UTS2: variants seen among roughly 807,000 people sequenced by gnomAD.
UTS2 encodes urotensin 2, also known as urotensin-2.
UTS2 carries 10 observed loss-of-function variants against 12.6 expected under a neutral mutation model. The ratio of observed to expected loss-of-function variants is 0.80; its 90% confidence interval spans 0.49 to 1.35. The LOEUF is 1.35. Ranked by LOEUF, UTS2 falls within the 40% of genes most tolerant of loss-of-function variation. UTS2 has a pLI of 0.00. For missense variants in UTS2, 142 were observed against 143.2 expected (o/e 0.99, Z 0.04); for synonymous variants, 52 against 50.0 (o/e 1.04, Z -0.17).
At chr1:7,881,547 T>C in the UTS2 span, among the ~76,000 whole-genome samples, 3 of 151,776 alleles carry the variant, frequency 2.0e-5, 1 homozygote, top group Admixed American at 2.0e-4. Flanking sequence ...ATAAAATAAA[T>C]AAAAAATCTA....
chr1:7,883,873 T>A, the UTS2 span, among the ~76,000 whole-genome samples: 1 of 151,792 alleles, frequency 6.6e-6, no homozygotes, highest in Non-Finnish European at 1.5e-5. Context: ...GGAGTTTTGC[T>A]CTTGTTGCTC....
the UTS2 span, among the ~76,000 whole-genome samples, chr1:7,892,685 C>T: frequency 2.6e-5 from 4 of 151,630 alleles, no homozygotes; most frequent in African/African-American, 9.7e-5. Context: ...CGGGATATTG[C>T]CATGTTGCCC....
the UTS2 span, among the ~76,000 whole-genome samples, chr1:7,877,407 T>G: frequency 2.3e-3 from 347 of 152,064 alleles, 1 homozygote; most frequent in African/African-American, 7.9e-3. Flanking sequence ...ATAGATATCA[T>G]AAAAAAGAAC....
chr1:7,847,716 A>T lies in UTS2; in HGVS notation c.*50T>A. The stretch of plus-strand genomic sequence containing the variant: ...CAAATCAAGCATTGTGTTATTTTTC[A>T]TATTCTAAGATGGGTGTTTCTGAGC... On this transcript the variant is annotated 3_prime_UTR_variant, in exon 4 of 4. Transcript: ENST00000361696. 1 of 1,398,708 alleles carries T rather than the reference A, an allele frequency of 7.1e-7. No homozygotes were observed. The highest frequency in any genetic ancestry group is 1.0e-6 in the Non-Finnish European group (1 of 997,684). 86.6% of individuals were successfully genotyped at this position (1,398,708 alleles called of 1,614,324 possible).
chr1:7,873,118 G>A, the UTS2 span, among the ~76,000 whole-genome samples: 1 of 152,076 alleles, frequency 6.6e-6, no homozygotes, highest in South Asian at 2.1e-4. Context: ...AATATTTTAA[G>A]CCCACATTTG....
chr1:7,895,191 A>G, the UTS2 span, among the ~76,000 whole-genome samples: 19,061 of 152,042 alleles, frequency 0.13, 1,360 homozygotes, highest in South Asian at 0.21. Flanking sequence ...CAACATGGGG[A>G]AACCCTGTCT....
upstream of UTS2, chr1:7,853,397 A>C (rs1182554985): frequency 6.2e-7 from 1 of 1,614,160 alleles, no homozygotes; most frequent in East Asian, 2.2e-5. Flanking sequence ...AGCAGAAGTG[A>C]CGCAGAGCAT....
At chr1:7,897,418 T>C in the UTS2 span, among the ~76,000 whole-genome samples, 2 of 152,220 alleles carry the variant, frequency 1.3e-5, no homozygotes, top group African/African-American at 4.8e-5. Flanking sequence ...TTTAGAGTCA[T>C]ATTGTCAAGT....
intron 3 of UTS2, among the ~76,000 whole-genome samples, chr1:7,848,677 G>A (rs946980050): frequency 3.3e-5 from 5 of 151,908 alleles, no homozygotes; most frequent in Non-Finnish European, 7.4e-5. Context: ...ATGCCACCAC[G>A]CCTGGCTAAG....
At chr1:7,874,676 C>T in the UTS2 span, among the ~76,000 whole-genome samples, 1 of 152,236 alleles carries the variant, frequency 6.6e-6, no homozygotes, top group East Asian at 1.9e-4. Flanking sequence ...CCCCCAGCAG[C>T]GGGGTCACTG....
At chr1:7,872,564 A>G in the UTS2 span, among the ~76,000 whole-genome samples, 1 of 152,196 alleles carries the variant, frequency 6.6e-6, no homozygotes, top group Non-Finnish European at 1.5e-5. Context: ...CAGTCACAAC[A>G]TTCCCTTAGC....
the UTS2 span, among the ~76,000 whole-genome samples, chr1:7,862,576 C>T: frequency 6.6e-6 from 1 of 152,126 alleles, no homozygotes; most frequent in Non-Finnish European, 1.5e-5. Context: ...CTGGTGAGGG[C>T]ACTCATGGCA....
upstream of UTS2, among the ~76,000 whole-genome samples, chr1:7,856,725 A>G (rs181065112): frequency 1.8e-4 from 27 of 152,342 alleles, no homozygotes; most frequent in East Asian, 4.6e-3. Flanking sequence ...AGGGTCGGAC[A>G]GAGGACGGAA....
chr1:7,885,919 G>GAT, the UTS2 span, among the ~76,000 whole-genome samples: 1 of 66,366 alleles, frequency 1.5e-5, no homozygotes, highest in South Asian at 5.8e-4. Flanking sequence ...GGGGGGGGGC[G>GAT]GGTGGAGGTG....
At chr1:7,881,153 G>T in the UTS2 span, among the ~76,000 whole-genome samples, 2 of 152,010 alleles carry the variant, frequency 1.3e-5, no homozygotes, top group East Asian at 1.9e-4. Flanking sequence ...CATAATAAAG[G>T]CCACGTATAA....
the UTS2 span, among the ~76,000 whole-genome samples, chr1:7,891,536 A>AAAGAAAAGAAAG: frequency 4.8e-3 from 522 of 109,890 alleles, 3 homozygotes; most frequent in Non-Finnish European, 6.9e-3. Context: ...AGAAAGAAAG[A>AAAGAAAAGAAAG]AAAGAAAGAA....
chr1:7,850,840 T>C lies in UTS2; in HGVS notation c.186A>G (p.Ala62=), dbSNP rs1325940052. The C allele has an allele frequency of 6.2e-7, 1 of 1,614,112 alleles. No homozygotes were observed. The highest frequency in any genetic ancestry group is 8.5e-7 in the Non-Finnish European group (1 of 1,180,058). ...LLQILPEMLG[A]ERGDILRKAD... is the part of the protein sequence containing the mutation. ...CTTTCCTGAGAATATCCCCTCTTTC[T>C]GCACCCAGCATCTCTGGCAGTATCT... The change falls in exon 2 of 4, where the codon GCA becomes GCG. Residue 62 remains alanine (A), a synonymous_variant. Transcript: ENST00000361696.
At chr1:7,849,942 TAAAC>T (rs1347393479) in intron 2 of UTS2, among the ~76,000 whole-genome samples, 1 of 151,222 alleles carries the variant, frequency 6.6e-6, no homozygotes, top group Non-Finnish European at 1.5e-5. Flanking sequence ...TCCTGTCTAT[TAAAC>T]AATACCTATC....
At chr1:7,908,480 A>AAG in the UTS2 span, among the ~76,000 whole-genome samples, 1 of 148,550 alleles carries the variant, frequency 6.7e-6, no homozygotes, top group African/African-American at 2.5e-5. Context: ...AAAAAAAAAA[A>AAG]GGGATCATGA....
Sources: allele counts gnomAD v4.1 joint callset (sites outside exome capture counted in the v4.1 genomes callset), GRCh38; gene constraint gnomAD v4.1.1; transcripts MANE v1.5; gene names NCBI Gene and HGNC (gene_info 2026-07-23, HGNC 2026-07-21).